EPC2: variants seen among roughly 807,000 people sequenced by gnomAD.
The protein encoded by EPC2 is enhancer of polycomb homolog 2.
EPC2 carries 14 observed loss-of-function variants against 92.1 expected under a neutral mutation model. The ratio of observed to expected loss-of-function variants is 0.15; its 90% confidence interval spans 0.10 to 0.24. The LOEUF is 0.24. Ranked by LOEUF, EPC2 falls within the 10% of genes least tolerant of loss-of-function variation. The pLI, the probability that EPC2 is intolerant of heterozygous loss-of-function variation, is 1.00. For synonymous variants in EPC2, 340 were observed against 334.7 expected (o/e 1.02, Z -0.17); for missense variants, 755 against 971.5 (o/e 0.78, Z 2.96).
chr2:148,660,605 G>T (rs191795311), intron 1 of EPC2, among the ~76,000 whole-genome samples: 75 of 151,200 alleles, frequency 5.0e-4, no homozygotes, highest in African/African-American at 1.7e-3. Context: ...AATAAAAAAT[G>T]CTTTTGGTTT....
At chr2:148,710,301 G>C (rs1486679516) in intron 2 of EPC2, among the ~76,000 whole-genome samples, 1 of 152,166 alleles carries the variant, frequency 6.6e-6, no homozygotes, top group African/African-American at 2.4e-5. Flanking sequence ...AAAATGAGAT[G>C]CCATCTCACA....
chr2:148,708,382 C>T (rs1682054869), intron 2 of EPC2, among the ~76,000 whole-genome samples: 1 of 152,154 alleles, frequency 6.6e-6, no homozygotes, highest in South Asian at 2.1e-4. Flanking sequence ...AGTCCATGAC[C>T]AGACGGATTC....
At chr2:148,725,499 C>T (rs1199135780) in intron 2 of EPC2, among the ~76,000 whole-genome samples, 2 of 152,182 alleles carry the variant, frequency 1.3e-5, no homozygotes, top group East Asian at 1.9e-4. Context: ...CACAGACATT[C>T]TTTTATATAA....
intron 1 of EPC2, among the ~76,000 whole-genome samples, chr2:148,666,862 T>C (rs1298495254): frequency 1.0e-5 from 1 of 98,536 alleles, no homozygotes; most frequent in Admixed American, 1.4e-4. Context: ...AATAAGCCAT[T>C]GTTAGACTTT....
intron 2 of EPC2, among the ~76,000 whole-genome samples, chr2:148,693,897 A>G (rs1681689471): frequency 6.6e-6 from 1 of 152,150 alleles, no homozygotes; most frequent in Non-Finnish European, 1.5e-5. Flanking sequence ...TCCTGTGTCC[A>G]GTGCGTACTT....
At chr2:148,677,961 A>G (rs1166111457) in intron 1 of EPC2, among the ~76,000 whole-genome samples, 1 of 152,116 alleles carries the variant, frequency 6.6e-6, no homozygotes, top group Non-Finnish European at 1.5e-5. Flanking sequence ...GCGAAAGAAC[A>G]AAGCTTCCAC....
Position 148,737,359 on chromosome 2 carries a change from A to G in EPC2, c.314-6263A>G, listed in dbSNP as rs935662745. On this transcript the variant is annotated intron_variant, in intron 2 of 13. Coordinates refer to ENST00000258484, the MANE Select transcript of EPC2 (RefSeq NM_015630.4). ...AAAAGTCCTATCTATAAAATTAAAT[A>G]TATTCAAAGAGGTCTAGTTATTACC... 3.9e-5 allele frequency among the ~76,000 whole-genome samples: 6 copies of G among 152,084 alleles called. No homozygotes were observed. The South Asian group carries it at 8.3e-4, about 21-fold the overall frequency.
intron 1 of EPC2, among the ~76,000 whole-genome samples, chr2:148,669,753 C>A (rs1302953838): frequency 6.6e-6 from 1 of 152,118 alleles, no homozygotes; most frequent in African/African-American, 2.4e-5. Flanking sequence ...TTAGGTTTTG[C>A]TCTTTTAATT....
At chr2:148,727,822 T>C (rs984674046) in intron 2 of EPC2, among the ~76,000 whole-genome samples, 4 of 152,232 alleles carry the variant, frequency 2.6e-5, no homozygotes, top group African/African-American at 9.6e-5. Flanking sequence ...GATCTTGTTT[T>C]ATTTCAAAAG....
In EPC2 at chr2:148,666,530, T is replaced by C. The variant is rs112923250; in HGVS notation, c.153+21360T>C. On this transcript the variant is annotated intron_variant, in intron 1 of 13. Transcript: ENST00000258484. The stretch of plus-strand genomic sequence containing the variant: ...TAAAAATACAGAAAAATTAAAGATA[T>C]AGAAAATACAAGTTCACACTTTTAA... Among the ~76,000 whole-genome samples the C allele has an allele frequency of 4.6e-3, 696 of 152,318 alleles. 3 individuals carry two copies. The highest frequency in any genetic ancestry group is 0.016 in the African/African-American group (657 of 41,564).
intron 1 of EPC2, among the ~76,000 whole-genome samples, chr2:148,664,349 A>G (rs1010168600): frequency 6.6e-6 from 1 of 152,060 alleles, no homozygotes; most frequent in Non-Finnish European, 1.5e-5. Flanking sequence ...AAATAGAAAA[A>G]TTAGCCAGGC....
At chr2:148,650,333 G>T (rs1241203113) in intron 1 of EPC2, among the ~76,000 whole-genome samples, 1 of 151,926 alleles carries the variant, frequency 6.6e-6, no homozygotes, top group Non-Finnish European at 1.5e-5. Flanking sequence ...CTTCTTCCAG[G>T]AATTCTTTTT....
chr2:148,645,788 C>T (rs1683786012), intron 1 of EPC2, among the ~76,000 whole-genome samples: 1 of 152,162 alleles, frequency 6.6e-6, no homozygotes, highest in South Asian at 2.1e-4. Context: ...GCCAGTTCTG[C>T]CGACCCGAGC....
intron 10 of EPC2, among the ~76,000 whole-genome samples, chr2:148,777,220 G>C (rs879470725): frequency 2.7e-3 from 409 of 152,128 alleles, no homozygotes; most frequent in Non-Finnish European, 4.3e-3. Context: ...AACAAAGACT[G>C]ACCTGGTAGA....
intron 1 of EPC2, among the ~76,000 whole-genome samples, chr2:148,681,875 C>G (rs1033709730): frequency 6.6e-6 from 1 of 152,132 alleles, no homozygotes; most frequent in Non-Finnish European, 1.5e-5. Flanking sequence ...CCCCCTACCC[C>G]CTACCCGACA....
chr2:148,765,977 A>G (rs1002980532), intron 7 of EPC2, among the ~76,000 whole-genome samples: 1 of 152,186 alleles, frequency 6.6e-6, no homozygotes, highest in Non-Finnish European at 1.5e-5. Context: ...TGGAGCTTGC[A>G]GTGAGCTGAG....
chr2:148,712,611 C>T (rs1682170147), intron 2 of EPC2, among the ~76,000 whole-genome samples: 1 of 152,096 alleles, frequency 6.6e-6, no homozygotes, highest in African/African-American at 2.4e-5. Flanking sequence ...ACATACAGGC[C>T]AGGTGTGGTG....
At chr2:148,733,397 A>G (rs1682684361) in intron 2 of EPC2, among the ~76,000 whole-genome samples, 1 of 149,636 alleles carries the variant, frequency 6.7e-6, no homozygotes, top group Non-Finnish European at 1.5e-5. Context: ...CTGGGAGGCC[A>G]CTATTGATCT....
chr2:148,771,456 T>A, intron 10 of EPC2, 69 bp downstream of exon 10: 8 of 1,390,036 alleles, frequency 5.8e-6, no homozygotes, highest in Non-Finnish European at 7.8e-6. Flanking sequence ...GGAAAGGAAT[T>A]TTATCTTAAC....
Sources: allele counts gnomAD v4.1 joint callset (sites outside exome capture counted in the v4.1 genomes callset), GRCh38; gene constraint gnomAD v4.1.1; transcripts MANE v1.5; gene names NCBI Gene and HGNC (gene_info 2026-07-23, HGNC 2026-07-21).